The following ROBO2 variants were observed in gnomAD, a reference collection of about 807,000 sequenced individuals.
ROBO2 encodes the protein roundabout guidance receptor 2, also known as roundabout homolog 2.
A neutral mutation model predicts 160.8 loss-of-function variants in ROBO2; 53 were observed. The observed-to-expected ratio is 0.33, with a 90% CI of 0.26 to 0.41. ROBO2 has a LOEUF of 0.41. Among genes scored for constraint, ROBO2 ranks in the 10% least tolerant of loss-of-function variants. The probability of loss-of-function intolerance (pLI) is 1.00; values close to 1 mark genes in which losing one functional copy is unlikely to be tolerated. For synonymous variants in ROBO2, 664 were observed against 611.7 expected (o/e 1.09, Z -1.26); for missense variants, 1,577 against 1,722.4 (o/e 0.92, Z 1.49).
chr3:76,623,872 G>A (rs1021212931), intron 2 of ROBO2, among the ~76,000 whole-genome samples: 1 of 152,034 alleles, frequency 6.6e-6, no homozygotes, highest in Non-Finnish European at 1.5e-5. Context: ...AGTACAACTG[G>A]GTGACAAAAT....
In ROBO2 at chr3:76,365,121, A is replaced by G. The variant is rs115205944; in HGVS notation, c.109+427519A>G. ...AGAGTTGAAGCAAATCACAGAGTCT[A>G]AAGTGAGAAGAGAGAGAGCCTGTGG... On this transcript the variant is annotated intron_variant, in intron 2 of 26. Coordinates refer to the ROBO2 transcript ENST00000487694. 1.5e-3 allele frequency among the ~76,000 whole-genome samples: 224 copies of G among 152,210 alleles called. 1 individual carries two copies. Among genetic ancestry groups the G allele is most frequent in the African/African-American group, 5.1e-3 (212 of 41,552 alleles).
intron 2 of ROBO2, among the ~76,000 whole-genome samples, chr3:76,580,317 G>GTTTT (rs1329634324): frequency 1.0e-4 from 4 of 38,838 alleles, no homozygotes; most frequent in African/African-American, 1.4e-4. Context: ...CCCAACCCCT[G>GTTTT]TTTTTTTTTT....
intron 14 of ROBO2, among the ~76,000 whole-genome samples, chr3:77,577,222 C>T (rs866379212): frequency 3.3e-5 from 5 of 152,122 alleles, no homozygotes; most frequent in Middle Eastern, 3.4e-3. Flanking sequence ...TAGCTCTGTG[C>T]GGGGTGTATA....
intron 2 of ROBO2, among the ~76,000 whole-genome samples, chr3:76,328,579 A>T (rs1255691299): frequency 2.0e-5 from 3 of 151,978 alleles, no homozygotes; most frequent in Non-Finnish European, 4.4e-5. Flanking sequence ...ACAAAAAATT[A>T]TCCAGGCGCG....
At chr3:77,114,516 A>C (rs1297684605) in intron 2 of ROBO2, among the ~76,000 whole-genome samples, 1 of 152,172 alleles carries the variant, frequency 6.6e-6, no homozygotes, top group African/African-American at 2.4e-5. Flanking sequence ...CCTTAATCTT[A>C]CATGTCTTGA....
At chr3:76,274,612 G>A (rs984664972) in intron 2 of ROBO2, among the ~76,000 whole-genome samples, 17 of 152,152 alleles carry the variant, frequency 1.1e-4, no homozygotes, top group African/African-American at 3.9e-4. Flanking sequence ...GCCGAGGTGG[G>A]TGGATCACAA....
chr3:77,127,526 A>C (rs961384507), intron 2 of ROBO2, among the ~76,000 whole-genome samples: 2 of 151,960 alleles, frequency 1.3e-5, no homozygotes, highest in Admixed American at 1.3e-4. Context: ...ACTATTTACC[A>C]ACTTGAAAGA....
chr3:76,259,182 ATTC>A (rs1369874454), intron 2 of ROBO2, among the ~76,000 whole-genome samples: 1 of 152,034 alleles, frequency 6.6e-6, no homozygotes, highest in African/African-American at 2.4e-5. Flanking sequence ...TTTTAAATAT[ATTC>A]TTATTTCAGG....
At chr3:76,845,209 C>A in intron 2 of ROBO2, among the ~76,000 whole-genome samples, 1 of 151,838 alleles carries the variant, frequency 6.6e-6, no homozygotes, top group East Asian at 1.9e-4. Context: ...GAAATTGTCT[C>A]GTCAATTTTT....
intron 4 of ROBO2, among the ~76,000 whole-genome samples, chr3:77,486,240 G>A (rs1438062337): frequency 3.3e-5 from 5 of 152,026 alleles, no homozygotes; most frequent in East Asian, 3.9e-4. Flanking sequence ...ATGAACATAC[G>A]TGTGCATATC....
At chr3:76,501,186 G>A (rs1038981960) in intron 2 of ROBO2, among the ~76,000 whole-genome samples, 1 of 152,128 alleles carries the variant, frequency 6.6e-6, no homozygotes, top group African/African-American at 2.4e-5. Context: ...TTTGGAGAGG[G>A]ACATAAATTA....
intron 2 of ROBO2, among the ~76,000 whole-genome samples, chr3:76,326,398 GGA>G (rs899444105): frequency 2.2e-4 from 33 of 152,090 alleles, no homozygotes; most frequent in Non-Finnish European, 3.5e-4. Flanking sequence ...GCAGATAAAT[GGA>G]TGAGTGTGTT....
intron 1 of ROBO2, among the ~76,000 whole-genome samples, chr3:77,065,362 T>TAATG (rs2066732769): frequency 6.6e-6 from 1 of 152,224 alleles, no homozygotes; most frequent in African/African-American, 2.4e-5. Context: ...TCTTAACAAG[T>TAATG]AATGAATGAC....
chr3:76,857,925 G>A (rs539495654), intron 2 of ROBO2, among the ~76,000 whole-genome samples: 2 of 152,226 alleles, frequency 1.3e-5, no homozygotes, highest in Admixed American at 6.5e-5. Flanking sequence ...TAAAAAGGCC[G>A]TGCATTCTCA....
intron 1 of ROBO2, among the ~76,000 whole-genome samples, chr3:77,065,451 T>C (rs2066743303): frequency 6.6e-6 from 1 of 152,164 alleles, no homozygotes; most frequent in Admixed American, 6.5e-5. Context: ...TAAACCCAAT[T>C]ACCTGTCATT....
intron 6 of ROBO2, among the ~76,000 whole-genome samples, chr3:77,531,130 G>T (rs1435829107): frequency 6.6e-6 from 1 of 151,886 alleles, no homozygotes; most frequent in African/African-American, 2.4e-5. Flanking sequence ...GATGCTGATT[G>T]CCTGGAGTAT....
intron 2 of ROBO2, among the ~76,000 whole-genome samples, chr3:76,597,584 A>T (rs1425790307): frequency 6.6e-6 from 1 of 152,132 alleles, no homozygotes; most frequent in African/African-American, 2.4e-5. Flanking sequence ...AATAGCTAAA[A>T]TAAAAAAACA....
At chr3:76,205,760 C>T (rs745772312) in intron 2 of ROBO2, among the ~76,000 whole-genome samples, 8 of 152,114 alleles carry the variant, frequency 5.3e-5, no homozygotes, top group Admixed American at 1.3e-4. Context: ...TTCCTGTTCA[C>T]GGATCTAAGA....
intron 2 of ROBO2, among the ~76,000 whole-genome samples, chr3:76,370,907 T>C (rs1391541161): frequency 6.6e-6 from 1 of 151,882 alleles, no homozygotes; most frequent in Non-Finnish European, 1.5e-5. Context: ...GTCATTTCCT[T>C]CCCAAGTCTT....
Sources: gnomAD v4.1 joint callset for allele counts (sites outside exome capture counted in the v4.1 genomes callset) on GRCh38, gnomAD v4.1.1 for gene constraint, MANE v1.5 for transcripts, NCBI Gene and HGNC (gene_info 2026-07-23, HGNC 2026-07-21) for gene names.